The following KLRG1 variants were observed in gnomAD, a reference collection of about 807,000 sequenced individuals.
KLRG1 encodes killer cell lectin-like receptor subfamily G member 1.
A neutral mutation model predicts 21.8 loss-of-function variants in KLRG1; 16 were observed. The observed-to-expected ratio is 0.73, with a 90% CI of 0.50 to 1.11. The LOEUF (loss-of-function observed/expected upper bound fraction) is 1.11, where lower values mean the gene tolerates loss of function less well. Ranked by LOEUF, KLRG1 falls within the 50% of genes most tolerant of loss-of-function variation. The pLI is 0.00. For synonymous variants in KLRG1, 69 were observed against 75.9 expected (o/e 0.91, Z 0.47); for missense variants, 173 against 218.3 (o/e 0.79, Z 1.31).
the KLRG1 span, chr12:9,192,854 C>T: frequency 6.3e-6 from 4 of 637,254 alleles, no homozygotes; most frequent in Middle Eastern, 3.1e-4. Flanking sequence ...CTATGCCTCT[C>T]CCTCATACTG....
chr12:9,018,028 A>G, the KLRG1 span, among the ~76,000 whole-genome samples: 3 of 152,226 alleles, frequency 2.0e-5, no homozygotes, highest in African/African-American at 7.2e-5. Context: ...GCTACAAATA[A>G]AATAAAATTA....
chr12:9,077,235 T>C, the KLRG1 span: 22 of 1,080,886 alleles, frequency 2.0e-5, no homozygotes, highest in Non-Finnish European at 2.8e-5. Flanking sequence ...TGGCATTGCA[T>C]AGAAAGAAAG....
Position 9,007,307 on chromosome 12 carries a change from C to G in KLRG1, c.358-1668C>G, listed in dbSNP as rs916694959. ...ACAGAGCCTCACTCCGTCACCCAGG[C>G]TGGAGTGCAGTGATGCCATCTCGGC... On this transcript the variant is annotated intron_variant, in intron 3 of 4. Coordinates refer to ENST00000356986, the MANE Select transcript of KLRG1 (RefSeq NM_005810.4). 3.2e-4 allele frequency among the ~76,000 whole-genome samples: 49 copies of G among 152,318 alleles called. 1 individual carries two copies. Among genetic ancestry groups the G allele is most frequent in the African/African-American group, 1.1e-3 (47 of 41,580 alleles).
the KLRG1 span, among the ~76,000 whole-genome samples, chr12:9,187,261 C>A: frequency 6.6e-6 from 1 of 152,020 alleles, no homozygotes; most frequent in Non-Finnish European, 1.5e-5. Flanking sequence ...CTTCAACACT[C>A]CACAGACAGT....
chr12:9,109,312 T>C, the KLRG1 span: 1 of 1,602,700 alleles, frequency 6.2e-7, no homozygotes, highest in Admixed American at 1.7e-5. Flanking sequence ...TTTTAAAAAA[T>C]GAACTCACAG....
chr12:9,027,616 C>T, the KLRG1 span: 3 of 870,308 alleles, frequency 3.4e-6, no homozygotes, highest in Non-Finnish European at 5.8e-6. Context: ...CATTGGCCTC[C>T]ACCACCACAG....
chr12:9,114,683 A>G, the KLRG1 span, among the ~76,000 whole-genome samples: 2 of 151,712 alleles, frequency 1.3e-5, no homozygotes, highest in African/African-American at 4.8e-5. Context: ...CTATACATAT[A>G]CGTATGTATA....
chr12:9,200,862 T>C, the KLRG1 span: 1 of 1,590,592 alleles, frequency 6.3e-7, no homozygotes, highest in Non-Finnish European at 8.6e-7. Context: ...ACCAAAATGT[T>C]ATGCCTTTTT....
rs1340500637 is a variant in KLRG1 at position 9,009,684 on chromosome 12, T to G, written c.*147T>G. ...TGGCATTAGATGCAAGACAACCTCC[T>G]AGGGATTGATGCCTAACTGATGGAT... On this transcript the variant is annotated 3_prime_UTR_variant, in exon 5 of 5. Transcript: ENST00000356986. 7.0e-7 allele frequency: 1 copy of G among 1,435,026 alleles called. No homozygotes were observed. The highest frequency in any genetic ancestry group is 1.4e-5 in the African/African-American group (1 of 69,692). 88.9% of individuals were successfully genotyped at this position (1,435,026 alleles called of 1,614,324 possible). A position where few individuals can be genotyped will look rare whatever the true frequency, so the allele number is the denominator to read the frequency against.
intron 1 of KLRG1, among the ~76,000 whole-genome samples, chr12:8,966,254 A>G (rs1214113657): frequency 1.3e-5 from 2 of 152,328 alleles, no homozygotes; most frequent in Middle Eastern, 3.4e-3. Flanking sequence ...AACCTAGGCA[A>G]TACCATTCAG....
the KLRG1 span, among the ~76,000 whole-genome samples, chr12:9,035,696 G>A: frequency 0.016 from 2,415 of 151,930 alleles, 63 homozygotes; most frequent in African/African-American, 0.055. Flanking sequence ...GCACATGCAC[G>A]TGCATGTTCC....
chr12:9,170,868 G>T, the KLRG1 span, among the ~76,000 whole-genome samples: 1 of 152,150 alleles, frequency 6.6e-6, no homozygotes, highest in Non-Finnish European at 1.5e-5. This position sits in a 1 kb window ranked among gnomAD's most constrained non-coding sequence, Gnocchi z 4.6. Context: ...GAGCTCCTGG[G>T]GGGCAGGGGT....
chr12:9,067,042 CATCA>C, the KLRG1 span: 1 of 152,188 alleles, frequency 6.6e-6, no homozygotes, highest in Non-Finnish European at 1.5e-5. Context: ...AGACATCAGA[CATCA>C]ATCAGATGTT....
chr12:9,010,045 G>A lies in KLRG1; in HGVS notation c.*508G>A. 1 of 1,528,818 alleles carries A rather than the reference G, an allele frequency of 6.5e-7. No individual in the cohort carries two copies. 94.7% of individuals were successfully genotyped at this position (1,528,818 alleles called of 1,614,324 possible). On this transcript the variant is annotated 3_prime_UTR_variant, in exon 5 of 5. Transcript: ENST00000356986. ...TTATTCTGAAGAATAAACCTAGCTG[G>A]CATGCTGGTGTGTACCTGTAGTCCT... is the stretch of plus-strand genomic sequence containing the variant.
chr12:9,000,255 G>T (rs939332509), intron 3 of KLRG1, among the ~76,000 whole-genome samples: 2 of 152,262 alleles, frequency 1.3e-5, no homozygotes, highest in East Asian at 1.9e-4. Context: ...TAGGGGAATT[G>T]CTTTACTCTG....
exon 1 of KLRG1, chr12:8,950,128 G>C (rs1004259523): frequency 1.3e-5 from 2 of 152,240 alleles, no homozygotes; most frequent in Non-Finnish European, 2.9e-5. Context: ...TGGAAGCTTC[G>C]AGTCTCGACT....
intron 1 of KLRG1, among the ~76,000 whole-genome samples, chr12:8,964,463 G>A (rs1378797330): frequency 6.6e-6 from 1 of 152,174 alleles, no homozygotes; most frequent in Admixed American, 6.5e-5. Context: ...CAACTATGTG[G>A]TCAGTTTTGG....
At chr12:9,027,673 A>C in the KLRG1 span, 11 of 1,012,806 alleles carry the variant, frequency 1.1e-5, no homozygotes, top group Non-Finnish European at 1.7e-5. Flanking sequence ...ATGGGTCCAA[A>C]ATTTGAAAAC....
At chr12:9,192,729 A>C in the KLRG1 span, 1 of 1,607,552 alleles carries the variant, frequency 6.2e-7, no homozygotes, top group Non-Finnish European at 8.5e-7. Context: ...GTTGGGATGC[A>C]CAGTGAAAAC....
Sources: gnomAD v4.1 joint callset for allele counts (sites outside exome capture counted in the v4.1 genomes callset) on GRCh38, gnomAD v4.1.1 for gene constraint, Gnocchi (gnomAD v3.1) non-coding constraint, MANE v1.5 for transcripts, NCBI Gene and HGNC (gene_info 2026-07-23, HGNC 2026-07-21) for gene names.